GALNT16: variants seen among roughly 807,000 people sequenced by gnomAD.
GALNT16 encodes UDP-GalNAc:polypeptide N-acetylgalactosaminyltransferase-like protein 1.
In GALNT16, 40 loss-of-function variants were observed where a neutral mutation model predicts 76.1. That is an observed-to-expected ratio of 0.53 (90% confidence interval 0.41 to 0.68). GALNT16 has a LOEUF of 0.68. GALNT16 is among the 30% of genes least tolerant of loss of function. GALNT16 has a pLI of 0.00. For missense variants in GALNT16, 621 were observed against 731.9 expected (o/e 0.85, Z 1.75); for synonymous variants, 276 against 285.2 (o/e 0.97, Z 0.32).
chr14:69,378,731 G>A, the GALNT16 span, among the ~76,000 whole-genome samples: 2 of 152,088 alleles, frequency 1.3e-5, no homozygotes, highest in Non-Finnish European at 1.5e-5. Flanking sequence ...CCCAACACCA[G>A]AAATGGTACT....
rs759135522 is a variant in GALNT16, at chr14:69,271,357, G to A, written c.177+10890G>A. ...ATCAGAAGGCCAGCGCTGGGGCAAAGCTGAGGGCAGGCCAACCAGAGAGCC... is the reference window on the plus strand; with the variant it reads ...ATCAGAAGGCCAGCGCTGGGGCAAAACTGAGGGCAGGCCAACCAGAGAGCC... On this transcript the variant is annotated intron_variant, in intron 1 of 14. Transcript: ENST00000448469. Among the ~76,000 whole-genome samples the A allele has an allele frequency of 7.9e-5, 12 of 152,220 alleles. 1 individual carries two copies. The highest frequency in any genetic ancestry group is 1.3e-4 in the Non-Finnish European group (9 of 68,044).
At chr14:69,360,629 A>G (rs572499417), downstream of GALNT16, among the ~76,000 whole-genome samples, 9 of 151,128 alleles carry the variant, frequency 6.0e-5, no homozygotes, top group African/African-American at 2.2e-4. Context: ...AAGAAGAAGG[A>G]GAAGAAAAGA....
chr14:69,336,474 C>T (rs977364446), intron 9 of GALNT16, among the ~76,000 whole-genome samples: 18 of 152,190 alleles, frequency 1.2e-4, no homozygotes, highest in Non-Finnish European at 2.9e-5. Flanking sequence ...CTTGCCGGCT[C>T]CTCTGCCCGG....
At chr14:69,325,872 C>T in intron 4 of GALNT16, 90 bp from the exon 5 acceptor site, 2 of 993,044 alleles carry the variant, frequency 2.0e-6, no homozygotes, top group African/African-American at 3.2e-5. Context: ...CTTTCCTGGG[C>T]TTAGTATGGG....
At chr14:69,384,815 T>C in the GALNT16 span, among the ~76,000 whole-genome samples, 1 of 152,204 alleles carries the variant, frequency 6.6e-6, no homozygotes, top group African/African-American at 2.4e-5. Flanking sequence ...TTAAATTCTA[T>C]CAATTAATAT....
At chr14:69,288,666 G>A (rs1244634313) in intron 1 of GALNT16, among the ~76,000 whole-genome samples, 1 of 152,172 alleles carries the variant, frequency 6.6e-6, no homozygotes, top group African/African-American at 2.4e-5. Flanking sequence ...GCCCTTCCTA[G>A]GCTATCTCTT....
At chr14:69,379,892 G>A in the GALNT16 span, among the ~76,000 whole-genome samples, 4 of 152,226 alleles carry the variant, frequency 2.6e-5, no homozygotes, top group South Asian at 4.1e-4. Flanking sequence ...CATTTATAAC[G>A]TTTGCGTCAA....
At chr14:69,359,383 C>T (rs12884348), downstream of GALNT16, 67,318 of 152,094 alleles carry the variant, frequency 0.44, 15,117 homozygotes, top group Middle Eastern at 0.6. Context: ...GTACACTGCA[C>T]ATAGAAAGCA....
intron 1 of GALNT16, among the ~76,000 whole-genome samples, chr14:69,290,688 C>T (rs963660741): frequency 2.0e-5 from 3 of 152,204 alleles, no homozygotes; most frequent in Non-Finnish European, 2.9e-5. Flanking sequence ...GAAAATAACT[C>T]GTGTGCTTCA....
chr14:69,280,135 A>G (rs940745264), intron 1 of GALNT16, among the ~76,000 whole-genome samples: 3 of 152,228 alleles, frequency 2.0e-5, no homozygotes, highest in African/African-American at 7.2e-5. Context: ...ACTACCATTC[A>G]TCTACAGAGC....
chr14:69,316,782 G>GGGGGGC (rs2045108457), intron 1 of GALNT16, among the ~76,000 whole-genome samples: 2 of 139,588 alleles, frequency 1.4e-5, no homozygotes, highest in African/African-American at 2.7e-5. Context: ...TGTGAGGGGG[G>GGGGGGC]GGGGCACTGA....
At chr14:69,367,576 T>C in the GALNT16 span, among the ~76,000 whole-genome samples, 2 of 150,834 alleles carry the variant, frequency 1.3e-5, no homozygotes, top group African/African-American at 4.9e-5. Context: ...TGGTACTTCG[T>C]TGTAACAGCA....
At chr14:69,309,040 G>T (rs2044977819) in intron 1 of GALNT16, among the ~76,000 whole-genome samples, 1 of 152,116 alleles carries the variant, frequency 6.6e-6, no homozygotes, top group South Asian at 2.1e-4. Flanking sequence ...GATAGATCTT[G>T]CTTTAATTTG....
chr14:69,355,455 AT>A (rs1228453838), downstream of GALNT16: 1 of 149,434 alleles, frequency 6.7e-6, no homozygotes, highest in African/African-American at 2.5e-5. Context: ...GCTGAGCCCC[AT>A]TTCCACTCTC....
intron 1 of GALNT16, among the ~76,000 whole-genome samples, chr14:69,272,567 T>A (rs1566859647): frequency 6.6e-6 from 1 of 152,130 alleles, no homozygotes. Context: ...TACTTTATTT[T>A]AAAAAATAAA....
intron 1 of GALNT16, among the ~76,000 whole-genome samples, chr14:69,307,208 G>T (rs920726999): frequency 1.3e-5 from 2 of 152,080 alleles, no homozygotes; most frequent in Non-Finnish European, 2.9e-5. Context: ...CAAAGCTGCT[G>T]GTACTCCTTC....
chr14:69,373,909 T>C, the GALNT16 span, among the ~76,000 whole-genome samples: 4 of 152,140 alleles, frequency 2.6e-5, no homozygotes, highest in African/African-American at 9.7e-5. Context: ...GCCTCCTGCA[T>C]AGCTGGGACT....
rs371668978 is a variant in GALNT16, at chr14:69,333,640, G to T, written c.967+40G>T. On this transcript the variant is annotated intron_variant, in intron 9 of 14. Coordinates refer to ENST00000448469, the MANE Select transcript of GALNT16 (RefSeq NM_001168368.2). The surrounding 1 kb of genome is among the most constrained non-coding windows in gnomAD (Gnocchi z 4.2). The stretch of plus-strand genomic sequence containing the variant: ...AGTGACAGTGAAAATAACAGTAGCA[G>T]TAATAACCACAGTTAACCCTGACAG... 100 of 1,058,874 alleles carry T rather than the reference G, an allele frequency of 9.4e-5. No homozygotes were observed. The highest frequency in any genetic ancestry group is 2.0e-4 in the Middle Eastern group (1 of 5,018). 65.6% of individuals were successfully genotyped at this position (1,058,874 alleles called of 1,614,324 possible). A position where few individuals can be genotyped will look rare whatever the true frequency, so the allele number is the denominator to read the frequency against.
intron 1 of GALNT16, among the ~76,000 whole-genome samples, chr14:69,318,410 G>A (rs1438340558): frequency 6.6e-6 from 1 of 152,188 alleles, no homozygotes; most frequent in Non-Finnish European, 1.5e-5. Context: ...GCTGGGGCAG[G>A]GGGAACTATC....
Sources: allele counts gnomAD v4.1 joint callset (sites outside exome capture counted in the v4.1 genomes callset), GRCh38; gene constraint gnomAD v4.1.1; non-coding constraint Gnocchi (gnomAD v3.1); transcripts MANE v1.5; gene names NCBI Gene and HGNC (gene_info 2026-07-23, HGNC 2026-07-21).